Variants in TAFA1 observed in about 807,000 individuals in gnomAD.
The protein encoded by TAFA1 is TAFA chemokine like family member 1.
Under a neutral mutation model 18.5 loss-of-function variants are expected in TAFA1, and 4 were observed. The ratio of observed to expected loss-of-function variants is 0.22; its 90% CI spans 0.11 to 0.49. The LOEUF is 0.49. Ranked by LOEUF, TAFA1 falls within the 20% of genes least tolerant of loss-of-function variation. The pLI is 0.98. For synonymous variants in TAFA1, 56 were observed against 55.2 expected, an observed-to-expected ratio of 1.01 and a Z score of -0.06; for missense variants, 147 against 169.0, an observed-to-expected ratio of 0.87 and a Z score of 0.72.
At chr3:68,423,908 T>A (rs2071007017) in intron 3 of TAFA1, among the ~76,000 whole-genome samples, 1 of 152,010 alleles carries the variant, frequency 6.6e-6, no homozygotes, top group Non-Finnish European at 1.5e-5. Flanking sequence ...TCTCATTCCA[T>A]GTAAATTATG....
intron 2 of TAFA1, among the ~76,000 whole-genome samples, chr3:68,128,054 C>A (rs1406539047): frequency 6.6e-6 from 1 of 151,774 alleles, no homozygotes; most frequent in Non-Finnish European, 1.5e-5. Flanking sequence ...CCTGAGTCCT[C>A]ATAAAGAGTC....
chr3:68,249,703 A>T (rs1396202674), intron 2 of TAFA1, among the ~76,000 whole-genome samples: 1 of 152,180 alleles, frequency 6.6e-6, no homozygotes. Context: ...GAAAACTGAA[A>T]GGGAAAATCA....
At chr3:68,337,856 C>T (rs1322705929) in intron 2 of TAFA1, among the ~76,000 whole-genome samples, 4 of 152,106 alleles carry the variant, frequency 2.6e-5, no homozygotes, top group Admixed American at 6.5e-5. Flanking sequence ...TTCCATTTGC[C>T]GATCTTCTCT....
intron 1 of TAFA1, among the ~76,000 whole-genome samples, chr3:68,005,471 G>C (rs1704341502): frequency 6.6e-6 from 1 of 152,168 alleles, no homozygotes; most frequent in African/African-American, 2.4e-5. Flanking sequence ...AAATTAGCGT[G>C]CATTATGTGC....
chr3:68,370,403 TACACATATATATGTACACACACAC>T (rs2069668504), intron 2 of TAFA1, among the ~76,000 whole-genome samples: 1 of 89,372 alleles, frequency 1.1e-5, no homozygotes, highest in South Asian at 4.1e-4. Context: ...CACATATATA[TACACATATATATGTACACACACAC>T]ACACATATAT....
At chr3:68,279,690 A>G (rs11708835) in intron 2 of TAFA1, among the ~76,000 whole-genome samples, 15,714 of 152,196 alleles carry the variant, frequency 0.1, 985 homozygotes, top group Middle Eastern at 0.17. Context: ...ATCTCATAAA[A>G]GCATAGAAAT....
At chr3:68,449,751 C>T (rs570704718) in intron 3 of TAFA1, among the ~76,000 whole-genome samples, 3 of 152,236 alleles carry the variant, frequency 2.0e-5, no homozygotes, top group Non-Finnish European at 4.4e-5. Context: ...TGAGTGTGGC[C>T]ATTTATCATC....
intron 2 of TAFA1, among the ~76,000 whole-genome samples, chr3:68,395,427 A>G (rs1269579822): frequency 6.6e-6 from 1 of 152,176 alleles, no homozygotes; most frequent in Non-Finnish European, 1.5e-5. Flanking sequence ...TTGACCCAGC[A>G]ATCCCATTAC....
rs536173525 is a variant in TAFA1, at chr3:68,015,363, T to G, written c.118+8619T>G. Among the ~76,000 whole-genome samples the G allele has an allele frequency of 2.0e-5, 3 of 151,910 alleles. No homozygotes were observed. The South Asian group carries it at 6.2e-4, about 32-fold the overall frequency. ...GTGCAATGGCATGCTCTCGGCTCACTGCAACCTCTGCCTCCCAGGTTCAAG... is the reference window on the plus strand; with the variant it reads ...GTGCAATGGCATGCTCTCGGCTCACGGCAACCTCTGCCTCCCAGGTTCAAG... On this transcript the variant is annotated intron_variant, in intron 2 of 4. Transcript: ENST00000478136.
At chr3:68,380,456 C>T (rs915437969) in intron 2 of TAFA1, among the ~76,000 whole-genome samples, 1 of 152,152 alleles carries the variant, frequency 6.6e-6, no homozygotes, top group Admixed American at 6.5e-5. Flanking sequence ...TAATGATCGC[C>T]ATTCTAACTG....
chr3:68,419,560 G>C (rs2070915383), intron 3 of TAFA1, among the ~76,000 whole-genome samples: 2 of 152,172 alleles, frequency 1.3e-5, no homozygotes, highest in South Asian at 4.1e-4. Context: ...TCATAATTTA[G>C]AGCTGGGTGT....
chr3:68,193,068 C>T (rs13065943), intron 2 of TAFA1, among the ~76,000 whole-genome samples: 22,297 of 151,460 alleles, frequency 0.15, 1,916 homozygotes, highest in Middle Eastern at 0.2. Context: ...CATCCTAAGA[C>T]GATGAAAAAA....
chr3:68,098,852 A>T (rs1339097037), intron 2 of TAFA1, among the ~76,000 whole-genome samples: 1 of 152,122 alleles, frequency 6.6e-6, no homozygotes, highest in Non-Finnish European at 1.5e-5. Flanking sequence ...ATAAAGCTGC[A>T]CACCTACAAC....
At chr3:68,013,908 C>A (rs1367398159) in intron 2 of TAFA1, among the ~76,000 whole-genome samples, 3 of 152,172 alleles carry the variant, frequency 2.0e-5, no homozygotes, top group Admixed American at 6.5e-5. Context: ...TTAAGCAGAT[C>A]TTTCTTTAAC....
intron 2 of TAFA1, among the ~76,000 whole-genome samples, chr3:68,092,984 G>A (rs2065045923): frequency 6.6e-6 from 1 of 152,116 alleles, no homozygotes; most frequent in African/African-American, 2.4e-5. Context: ...TCTCTTTCAG[G>A]TTAGCTCAGT....
intron 2 of TAFA1, among the ~76,000 whole-genome samples, chr3:68,217,635 C>T (rs944698880): frequency 1.3e-5 from 2 of 152,018 alleles, no homozygotes; most frequent in African/African-American, 2.4e-5. Flanking sequence ...TAATGTAAGA[C>T]ATTAATAATA....
chr3:68,017,409 G>C (rs974278242), intron 2 of TAFA1, among the ~76,000 whole-genome samples: 1 of 152,182 alleles, frequency 6.6e-6, no homozygotes, highest in Non-Finnish European at 1.5e-5. Flanking sequence ...TCTATCACCA[G>C]CTTAGGTTAA....
At chr3:68,286,936 T>G (rs2068018801) in intron 2 of TAFA1, among the ~76,000 whole-genome samples, 1 of 152,166 alleles carries the variant, frequency 6.6e-6, no homozygotes, top group Non-Finnish European at 1.5e-5. Flanking sequence ...CCATCCTTGG[T>G]GCTGTACAAT....
chr3:68,270,776 G>A (rs2107228056), intron 2 of TAFA1, among the ~76,000 whole-genome samples: 1 of 152,252 alleles, frequency 6.6e-6, no homozygotes, highest in Non-Finnish European at 1.5e-5. Flanking sequence ...TGGCAGCTAT[G>A]AGATGTATTA....
Sources: allele counts gnomAD v4.1 joint callset (sites outside exome capture counted in the v4.1 genomes callset), GRCh38; gene constraint gnomAD v4.1.1; transcripts MANE v1.5; gene names NCBI Gene and HGNC (gene_info 2026-07-23, HGNC 2026-07-21).